NSD2: variants seen among roughly 807,000 people sequenced by gnomAD.
NSD2 encodes the protein nuclear receptor binding SET domain protein 2.
NSD2 carries 12 observed loss-of-function variants against 139.0 expected under a neutral mutation model. The observed-to-expected ratio is 0.09, with a 90% CI of 0.06 to 0.14. The LOEUF is 0.14. Ranked by LOEUF, NSD2 falls within the 10% of genes least tolerant of loss-of-function variation. NSD2 has a pLI of 1.00. For missense variants in NSD2, 1,155 were observed against 1,745.0 expected (o/e 0.66, Z 6.02); for synonymous variants, 669 against 648.7 (o/e 1.03, Z -0.48).
At chr4:1,877,169 G>C (rs1226550575) in intron 1 of NSD2, among the ~76,000 whole-genome samples, 3 of 152,114 alleles carry the variant, frequency 2.0e-5, no homozygotes, top group African/African-American at 7.2e-5. Context: ...TGCTTTTAGA[G>C]GATCTGTGCA....
chr4:1,872,635 A>AGT, intron 1 of NSD2, among the ~76,000 whole-genome samples: 1 of 120,090 alleles, frequency 8.3e-6, no homozygotes, highest in South Asian at 2.8e-4. Flanking sequence ...AGAGAGAGAG[A>AGT]GCGCGCAGAC....
chr4:1,943,579 G>A (rs1723318939), intron 9 of NSD2: 6 of 1,050,366 alleles, frequency 5.7e-6, no homozygotes, highest in Non-Finnish European at 6.9e-6. Flanking sequence ...TTAGGGTGCT[G>A]GACTGTATGG....
At chr4:1,959,995 G>GC (rs1725208747) in intron 17 of NSD2, among the ~76,000 whole-genome samples, 2 of 152,036 alleles carry the variant, frequency 1.3e-5, no homozygotes, top group African/African-American at 2.4e-5. Context: ...CAAGCAGCTG[G>GC]GACTACAGGC....
At chr4:1,938,401 CTTTTTTTTTTCTTTCT>C in intron 7 of NSD2, 34 bp from the exon 8 acceptor site, 10 of 872,338 alleles carry the variant, frequency 1.1e-5, no homozygotes, top group East Asian at 5.3e-5. Context: ...TTTTTCTTTT[CTTTTTTTTTTCTTTCT>C]TTTTTTTTTT....
At position 1,972,811 on chromosome 4, in the gene NSD2, G is replaced by T. The variant is rs1291921725; in HGVS notation, c.3373-2052G>T. On this transcript the variant is annotated intron_variant, in intron 18 of 21. Coordinates refer to ENST00000508803, the MANE Select transcript of NSD2 (RefSeq NM_001042424.3). The surrounding 1 kb of genome is among the most constrained non-coding windows in gnomAD (Gnocchi z 4.0). ...GTGAGAAAAGACATTGTGCACGGAA[G>T]ATTCCATTGGGAGCTGGGAAGCTAT... 6.6e-6 allele frequency among the ~76,000 whole-genome samples: 1 copy of T among 152,246 alleles called. No individual in the cohort carries two copies. Among genetic ancestry groups the T allele is most frequent in the Non-Finnish European group, 1.5e-5 (1 of 68,054 alleles).
intron 2 of NSD2, among the ~76,000 whole-genome samples, chr4:1,903,418 C>A (rs1434554133): frequency 6.6e-6 from 1 of 152,154 alleles, no homozygotes; most frequent in Non-Finnish European, 1.5e-5. Flanking sequence ...CCCAAGGACT[C>A]AAATTACATG....
chr4:1,884,929 A>G (rs1388644594), intron 1 of NSD2, among the ~76,000 whole-genome samples: 1 of 151,576 alleles, frequency 6.6e-6, no homozygotes, highest in Non-Finnish European at 1.5e-5. Context: ...ACCAACATGG[A>G]GAAACCCTGT....
chr4:1,978,915 G>A lies in NSD2; in HGVS notation c.*6G>A. On this transcript the variant is annotated 3_prime_UTR_variant, in exon 22 of 22. Coordinates refer to ENST00000508803, the MANE Select transcript of NSD2 (RefSeq NM_001042424.3). Reference sequence around the variant, plus strand: ...GAGTCACAGAGGGCAAATAGCGCCAGGCGGCCGCTTGGCCGGATCCAGGGG... The same window carrying A: ...GAGTCACAGAGGGCAAATAGCGCCAAGCGGCCGCTTGGCCGGATCCAGGGG... 6.7e-7 allele frequency: 1 copy of A among 1,502,586 alleles called. No individual in the cohort carries two copies. 93.1% of individuals were successfully genotyped at this position (1,502,586 alleles called of 1,614,324 possible).
intron 1 of NSD2, among the ~76,000 whole-genome samples, chr4:1,886,241 G>C (rs755030163): frequency 2.6e-5 from 4 of 152,024 alleles, no homozygotes; most frequent in Admixed American, 6.6e-5. Context: ...GGATCTCACT[G>C]TGTGGCCAGG....
intron 1 of NSD2, among the ~76,000 whole-genome samples, chr4:1,879,383 T>C (rs1293956035): frequency 6.6e-6 from 1 of 151,972 alleles, no homozygotes; most frequent in Non-Finnish European, 1.5e-5. Flanking sequence ...CATGCCCGGC[T>C]AATTTTTTTG....
intron 19 of NSD2, 116 bp downstream of exon 19, chr4:1,975,120 G>C (rs542799285): frequency 6.5e-7 from 1 of 1,529,700 alleles, no homozygotes; most frequent in Non-Finnish European, 8.9e-7. Context: ...TGCTGATGTG[G>C]AGTCTCTTTT....
chr4:1,873,666 A>T (rs538706056), intron 1 of NSD2, among the ~76,000 whole-genome samples: 3 of 152,208 alleles, frequency 2.0e-5, no homozygotes, highest in East Asian at 1.9e-4. Flanking sequence ...AAAGTAATCA[A>T]ATCTTACAAA....
chr4:1,911,587 C>CAAAAAAAAAA (rs372660600), intron 3 of NSD2, among the ~76,000 whole-genome samples: 21 of 42,062 alleles, frequency 5.0e-4, no homozygotes, highest in South Asian at 1.1e-3. Flanking sequence ...GACGCCATCT[C>CAAAAAAAAAA]AAAAAAAAAA....
chr4:1,906,644 C>T (rs988998034), intron 3 of NSD2, among the ~76,000 whole-genome samples: 1 of 147,742 alleles, frequency 6.8e-6, no homozygotes, highest in East Asian at 2.0e-4. Context: ...TTTTACTTCT[C>T]TCTCTCTCTC....
At chr4:1,894,901 C>A (rs1470922729) in intron 1 of NSD2, among the ~76,000 whole-genome samples, 1 of 152,140 alleles carries the variant, frequency 6.6e-6, no homozygotes, top group Non-Finnish European at 1.5e-5. Context: ...ACTTTTTCAT[C>A]TTCTCAAACT....
At chr4:1,945,703 A>G in intron 9 of NSD2, 3 of 1,063,392 alleles carry the variant, frequency 2.8e-6, no homozygotes, top group Non-Finnish European at 3.4e-6. Context: ...CGTTTGATCC[A>G]GTTGAGTTGA....
At chr4:1,871,668 C>A (rs1713772518) in intron 1 of NSD2, 126 bp downstream of exon 1, 1 of 146,446 alleles carries the variant, frequency 6.8e-6, no homozygotes, top group Non-Finnish European at 1.5e-5. Context: ...GCGGGAGCGC[C>A]GGGAGGAGTG....
intron 9 of NSD2, chr4:1,947,165 C>CT: frequency 9.4e-7 from 1 of 1,064,742 alleles, no homozygotes; most frequent in Non-Finnish European, 1.1e-6. Context: ...GACCAGGCTC[C>CT]TCCCCAGCAC....
At chr4:1,872,278 C>T (rs940230641) in intron 1 of NSD2, among the ~76,000 whole-genome samples, 4 of 152,236 alleles carry the variant, frequency 2.6e-5, no homozygotes, top group African/African-American at 4.8e-5. Flanking sequence ...GTTCCCCTCG[C>T]CCCAGGATGC....
Sources: allele counts gnomAD v4.1 joint callset (sites outside exome capture counted in the v4.1 genomes callset), GRCh38; gene constraint gnomAD v4.1.1; non-coding constraint Gnocchi (gnomAD v3.1); transcripts MANE v1.5; gene names NCBI Gene and HGNC (gene_info 2026-07-23, HGNC 2026-07-21).